PCGF5: variants seen among roughly 807,000 people sequenced by gnomAD.
PCGF5 encodes the protein polycomb group RING finger protein 5.
A neutral mutation model predicts 44.3 loss-of-function variants in PCGF5; 9 were observed. That is an observed-to-expected ratio of 0.20 (90% confidence interval 0.12 to 0.35). The LOEUF (loss-of-function observed/expected upper bound fraction) is 0.35, where lower values mean the gene tolerates loss of function less well. PCGF5 is among the 10% of genes least tolerant of loss of function. PCGF5 has a pLI of 1.00. For synonymous variants in PCGF5, 95 were observed against 102.5 expected, an observed-to-expected ratio of 0.93 and a Z score of 0.44; for missense variants, 146 against 305.3, an observed-to-expected ratio of 0.48 and a Z score of 3.89.
intron 1 of PCGF5, among the ~76,000 whole-genome samples, chr10:91,185,066 T>A (rs1843894681): frequency 6.6e-6 from 1 of 152,230 alleles, no homozygotes; most frequent in South Asian, 2.1e-4. Context: ...GGGTACCCCC[T>A]CTGCCCCCAG....
intron 1 of PCGF5, among the ~76,000 whole-genome samples, chr10:91,194,981 G>T (rs1240616964): frequency 1.3e-5 from 2 of 152,154 alleles, no homozygotes; most frequent in African/African-American, 4.8e-5. Flanking sequence ...TATGGTGAAA[G>T]CAGACAGTAT....
chr10:91,225,611 TG>T (rs1844810650), intron 2 of PCGF5, among the ~76,000 whole-genome samples: 1 of 152,024 alleles, frequency 6.6e-6, no homozygotes, highest in Admixed American at 6.6e-5. Flanking sequence ...TCAGGTCCTT[TG>T]ATTTCTGTAT....
intron 1 of PCGF5, among the ~76,000 whole-genome samples, chr10:91,169,251 A>G (rs1315104420): frequency 1.3e-5 from 2 of 152,254 alleles, no homozygotes; most frequent in African/African-American, 4.8e-5. Context: ...TACCCTAATC[A>G]TGATGCAAAT....
In PCGF5 at chr10:91,283,063, T is replaced by G. The variant is rs1020774632; in HGVS notation, c.*4747T>G. ...CCTGACAAACCTAGTTGAGTAGCAT[T>G]TTGACAGAAAATATCAGACTGAAAG... is the stretch of plus-strand genomic sequence containing the variant. On this transcript the variant is annotated 3_prime_UTR_variant, in exon 10 of 10. Coordinates refer to ENST00000336126, the MANE Select transcript of PCGF5 (RefSeq NM_032373.5). 1.3e-5 allele frequency: 2 copies of G among 152,150 alleles called. No individual in the cohort carries two copies. Among genetic ancestry groups the G allele is most frequent in the African/African-American group, 4.8e-5 (2 of 41,442 alleles). The allele number at this position is 152,150 out of a possible 1,614,324, so 9.4% of individuals were successfully genotyped here.
intron 8 of PCGF5, among the ~76,000 whole-genome samples, chr10:91,265,602 G>C (rs553746298): frequency 6.6e-6 from 1 of 152,022 alleles, no homozygotes; most frequent in African/African-American, 2.4e-5. Flanking sequence ...TATAATGAGG[G>C]TTGCCATGTT....
In PCGF5 at chr10:91,173,686, G is replaced by T. The variant is rs112116472; in HGVS notation, c.-184+10605G>T. Among the ~76,000 whole-genome samples, 68 of 147,982 alleles carry T rather than the reference G, an allele frequency of 4.6e-4. 1 individual carries two copies. The highest frequency in any genetic ancestry group is 3.6e-4 in the Non-Finnish European group (24 of 67,410). ...TTTTTCAAGTGGAGCAAGATCAAAA[G>T]TATAATATTAGTGTTTTATTCAGTA... On this transcript the variant is annotated intron_variant, in intron 1 of 9. Coordinates refer to the PCGF5 transcript ENST00000614189.
intron 2 of PCGF5, among the ~76,000 whole-genome samples, chr10:91,240,005 G>C (rs1342657455): frequency 6.6e-6 from 1 of 152,172 alleles, no homozygotes; most frequent in Non-Finnish European, 1.5e-5. Context: ...AGTCCATTGT[G>C]ACTCCCAGTT....
intron 1 of PCGF5, among the ~76,000 whole-genome samples, chr10:91,204,749 G>C (rs1381877412): frequency 6.6e-6 from 1 of 152,132 alleles, no homozygotes; most frequent in East Asian, 1.9e-4. Context: ...CTCTTCTTCA[G>C]ATTTCTTCCT....
At chr10:91,169,869 G>C (rs1362590954) in intron 1 of PCGF5, among the ~76,000 whole-genome samples, 1 of 152,160 alleles carries the variant, frequency 6.6e-6, no homozygotes, top group Non-Finnish European at 1.5e-5. Context: ...TACCTTCAAG[G>C]CTTGCTATAA....
chr10:91,268,046 C>T (rs747047309), intron 8 of PCGF5, among the ~76,000 whole-genome samples: 11 of 151,760 alleles, frequency 7.2e-5, no homozygotes, highest in Non-Finnish European at 1.2e-4. Flanking sequence ...TTGAATAATC[C>T]ATATTTAACC....
intron 1 of PCGF5, among the ~76,000 whole-genome samples, chr10:91,171,542 T>C (rs1843605560): frequency 6.6e-6 from 1 of 152,140 alleles, no homozygotes; most frequent in Non-Finnish European, 1.5e-5. Flanking sequence ...GTAGAGATGC[T>C]GTGAGTATCA....
At chr10:91,246,583 C>T (rs1270849396) in intron 3 of PCGF5, among the ~76,000 whole-genome samples, 1 of 152,086 alleles carries the variant, frequency 6.6e-6, no homozygotes, top group Non-Finnish European at 1.5e-5. Context: ...ATGAACATGT[C>T]TCTGCTCTGC....
chr10:91,195,483 T>TGC (rs1844116186), intron 1 of PCGF5, among the ~76,000 whole-genome samples: 5 of 102,084 alleles, frequency 4.9e-5, no homozygotes, highest in Non-Finnish European at 1.0e-4. Flanking sequence ...TATATATATA[T>TGC]ATAGAGAGAG....
chr10:91,276,417 G>T lies in PCGF5; in HGVS notation c.724-1852G>T, dbSNP rs1181452206. On this transcript the variant is annotated intron_variant, in intron 9 of 9. Coordinates refer to ENST00000336126, the MANE Select transcript of PCGF5 (RefSeq NM_032373.5). ...CTGAAACGCAGGTCTATTTAGTGCAGTCACTTAACACTAAGAGGTAATTAT... is the reference window on the plus strand; with the variant it reads ...CTGAAACGCAGGTCTATTTAGTGCATTCACTTAACACTAAGAGGTAATTAT... 2.6e-5 allele frequency among the ~76,000 whole-genome samples: 4 copies of T among 152,126 alleles called. No individual in the cohort carries two copies. In the East Asian group the frequency reaches 7.7e-4, roughly 29 times the overall value.
At chr10:91,204,139 T>C (rs888684789) in intron 1 of PCGF5, among the ~76,000 whole-genome samples, 1 of 152,204 alleles carries the variant, frequency 6.6e-6, no homozygotes. Context: ...ATTAAACTTT[T>C]AGAATTATGA....
chr10:91,277,447 G>A (rs563976540), intron 9 of PCGF5, among the ~76,000 whole-genome samples: 180 of 152,058 alleles, frequency 1.2e-3, no homozygotes, highest in Non-Finnish European at 2.2e-3. Flanking sequence ...GAAAACCACT[G>A]ATGTTTTGGT....
intron 1 of PCGF5, among the ~76,000 whole-genome samples, chr10:91,172,934 C>T (rs1441004649): frequency 2.6e-5 from 4 of 152,104 alleles, no homozygotes; most frequent in Non-Finnish European, 4.4e-5. Context: ...AGTTCTTTGT[C>T]CTCATAAAAT....
chr10:91,222,616 A>G, intron 1 of PCGF5, 73 bp from the exon 2 acceptor site: 1 of 487,716 alleles, frequency 2.1e-6, no homozygotes, highest in South Asian at 4.6e-5. Context: ...TGCTGTTAAT[A>G]GAATGACATT....
At position 91,222,328 on chromosome 10, in the gene PCGF5, T is replaced by C. The variant is rs572769314; in HGVS notation, c.-183-361T>C. Reference sequence around the variant, plus strand: ...AAAATGGAAATGGGGAACATTTTGATAGGGAGGATAATTACTTAAGTTTTT... The same window carrying C: ...AAAATGGAAATGGGGAACATTTTGACAGGGAGGATAATTACTTAAGTTTTT... On this transcript the variant is annotated intron_variant, in intron 1 of 9. Coordinates refer to ENST00000336126, the MANE Select transcript of PCGF5 (RefSeq NM_032373.5). 3.3e-5 allele frequency among the ~76,000 whole-genome samples: 5 copies of C among 152,300 alleles called. No homozygotes were observed. In the East Asian group the frequency reaches 9.6e-4, roughly 29 times the overall value.
Sources: allele counts gnomAD v4.1 joint callset (sites outside exome capture counted in the v4.1 genomes callset), GRCh38; gene constraint gnomAD v4.1.1; transcripts MANE v1.5; gene names NCBI Gene and HGNC (gene_info 2026-07-23, HGNC 2026-07-21).